Variants in SYT9 observed in about 807,000 individuals in gnomAD.
SYT9 encodes the protein synaptotagmin-9.
In SYT9, 22 loss-of-function variants were observed where a neutral mutation model predicts 48.4. The ratio of observed to expected loss-of-function variants is 0.45; its 90% CI spans 0.32 to 0.65. SYT9 has a LOEUF of 0.65. SYT9 is among the 30% of genes least tolerant of loss of function. The pLI, the probability that SYT9 is intolerant of heterozygous loss-of-function variation, is 0.03. For synonymous variants in SYT9, 265 were observed against 245.0 expected, an observed-to-expected ratio of 1.08 and a Z score of -0.76; for missense variants, 577 against 622.0, an observed-to-expected ratio of 0.93 and a Z score of 0.77.
intron 6 of SYT9, among the ~76,000 whole-genome samples, chr11:7,437,443 C>CT (rs1389986091): frequency 6.6e-6 from 1 of 152,036 alleles, no homozygotes; most frequent in Non-Finnish European, 1.5e-5. Flanking sequence ...AAATAGACTA[C>CT]TGGTCACAAT....
intron 1 of SYT9, among the ~76,000 whole-genome samples, chr11:7,255,021 G>A (rs151132540): frequency 1.3e-5 from 2 of 152,230 alleles, no homozygotes; most frequent in East Asian, 3.9e-4. Flanking sequence ...AAAAAAATAA[G>A]CCTAAGTCAC....
Position 7,324,617 on chromosome 11 carries a change from T to A in SYT9, c.1044+10676T>A, listed in dbSNP as rs115229532. ...TTTCATTTTTATTTTTATCTAAGCA[T>A]CTTCTAGCATCAAATATGAGTTTTT... On this transcript the variant is annotated intron_variant, in intron 3 of 6. Transcript: ENST00000318881. Among the ~76,000 whole-genome samples, 404 of 152,114 alleles carry A rather than the reference T, an allele frequency of 2.7e-3. 2 individuals are homozygous for A. Among genetic ancestry groups the A allele is most frequent in the African/African-American group, 9.6e-3 (398 of 41,574 alleles).
intron 3 of SYT9, among the ~76,000 whole-genome samples, chr11:7,354,245 G>A (rs1303584429): frequency 6.6e-6 from 1 of 151,956 alleles, no homozygotes; most frequent in African/African-American, 2.4e-5. Context: ...TCTCCTTTCT[G>A]GTCCATCACC....
At chr11:7,267,582 C>A (rs1848208380) in intron 1 of SYT9, among the ~76,000 whole-genome samples, 1 of 151,230 alleles carries the variant, frequency 6.6e-6, no homozygotes, top group South Asian at 2.1e-4. Flanking sequence ...ATAACCAAAG[C>A]TATATCTAGA....
chr11:7,356,490 T>C (rs1028714403), intron 3 of SYT9, among the ~76,000 whole-genome samples: 4 of 152,164 alleles, frequency 2.6e-5, no homozygotes, highest in Non-Finnish European at 4.4e-5. Context: ...TTTGACTCCC[T>C]GCAGTGCGAG....
At chr11:7,311,827 G>A (rs896552577) in intron 2 of SYT9, among the ~76,000 whole-genome samples, 2 of 152,156 alleles carry the variant, frequency 1.3e-5, no homozygotes, top group African/African-American at 2.4e-5. Flanking sequence ...TGAGACTCAA[G>A]CTCTATTCTA....
rs115122429 is a variant in SYT9, at chr11:7,261,734, C to T, written c.145+9403C>T. Among the ~76,000 whole-genome samples the T allele has an allele frequency of 5.8e-3, 877 of 151,754 alleles. 6 individuals are homozygous for T. The highest frequency in any genetic ancestry group is 0.02 in the African/African-American group (814 of 41,374). On this transcript the variant is annotated intron_variant, in intron 1 of 6. Transcript: ENST00000318881. ...AAGAGCGTTCCAGGCAGGAGAGCGG[C>T]GGGTACAAAGGTCTCAAGGCAGGAG...
intron 6 of SYT9, among the ~76,000 whole-genome samples, chr11:7,462,471 G>A (rs542269845): frequency 1.3e-5 from 2 of 152,032 alleles, no homozygotes; most frequent in South Asian, 2.1e-4. Flanking sequence ...TCTTAAAGCC[G>A]AGAGAGGAAG....
At chr11:7,305,470 C>T (rs1431545356) in intron 2 of SYT9, among the ~76,000 whole-genome samples, 1 of 152,156 alleles carries the variant, frequency 6.6e-6, no homozygotes, top group Non-Finnish European at 1.5e-5. Flanking sequence ...TCTTCTAATT[C>T]TTTGAGGATT....
At chr11:7,347,238 T>A (rs1338078184) in intron 3 of SYT9, among the ~76,000 whole-genome samples, 1 of 150,582 alleles carries the variant, frequency 6.6e-6, no homozygotes, top group South Asian at 2.1e-4. Flanking sequence ...ATCAAAATAT[T>A]TTTTTTTTTT....
At chr11:7,442,155 G>A (rs970396202) in intron 6 of SYT9, among the ~76,000 whole-genome samples, 5 of 151,398 alleles carry the variant, frequency 3.3e-5, no homozygotes, top group Admixed American at 2.0e-4. Context: ...GAACCCCACC[G>A]CCTCCTGCCA....
intron 3 of SYT9, among the ~76,000 whole-genome samples, chr11:7,412,359 A>G (rs1454562593): frequency 2.6e-5 from 4 of 152,182 alleles, no homozygotes; most frequent in Admixed American, 2.0e-4. Flanking sequence ...TCTGAAGATT[A>G]TCTATGATGT....
At position 7,252,983 on chromosome 11, in the gene SYT9, G is replaced by A. The variant is rs1847902831; in HGVS notation, c.145+652G>A. Among the ~76,000 whole-genome samples the A allele has an allele frequency of 6.6e-6, 1 of 152,264 alleles. No individual in the cohort carries two copies. Among genetic ancestry groups the A allele is most frequent in the African/African-American group, 2.4e-5 (1 of 41,480 alleles). On this transcript the variant is annotated intron_variant, in intron 1 of 6. Transcript: ENST00000318881. This position sits in a 1 kb window ranked among gnomAD's most constrained non-coding sequence, Gnocchi z 6.3. ...TCGACCAGCGACTACCGCCGGCCAC[G>A]ATGGGGTTCGTAGACTCGTCGGTCC... is the stretch of plus-strand genomic sequence containing the variant.
At chr11:7,423,605 A>G (rs1453617497) in intron 6 of SYT9, among the ~76,000 whole-genome samples, 1 of 152,208 alleles carries the variant, frequency 6.6e-6, no homozygotes, top group African/African-American at 2.4e-5. Context: ...AACACTCAGT[A>G]AAGTTTTCAG....
At chr11:7,413,584 C>A (rs533448899) in intron 3 of SYT9, among the ~76,000 whole-genome samples, 6 of 152,130 alleles carry the variant, frequency 3.9e-5, no homozygotes, top group Non-Finnish European at 7.4e-5. Context: ...CCCAGCCAAA[C>A]CCCCCGAGCA....
chr11:7,402,066 T>G (rs1439936666), intron 3 of SYT9, among the ~76,000 whole-genome samples: 2 of 152,112 alleles, frequency 1.3e-5, no homozygotes, highest in Non-Finnish European at 2.9e-5. Flanking sequence ...TAAAATAATT[T>G]TAATATCCCT....
At chr11:7,329,956 T>C (rs1431809616) in intron 3 of SYT9, among the ~76,000 whole-genome samples, 1 of 152,100 alleles carries the variant, frequency 6.6e-6, no homozygotes, top group Non-Finnish European at 1.5e-5. Context: ...TCAAAGAAGA[T>C]AACAGGGGAT....
chr11:7,240,211 G>A lies in SYT9; in HGVS notation c.49+1295G>A, dbSNP rs977517080. 3.9e-5 allele frequency among the ~76,000 whole-genome samples: 6 copies of A among 152,222 alleles called. No homozygotes were observed. In the South Asian group the frequency reaches 8.3e-4, roughly 21 times the overall value. On this transcript the variant is annotated intron_variant and NMD_transcript_variant, in intron 1 of 8. Transcript: ENST00000524820. ...GTGGTGAGCTGTTGTCCAGCCTCCC[G>A]AGTCCCAATTCCTCCCTACCCTCAT...
intron 6 of SYT9, chr11:7,444,449 TA>T (rs1665403738): frequency 6.6e-6 from 1 of 152,176 alleles, no homozygotes; most frequent in Non-Finnish European, 1.5e-5. Flanking sequence ...AGACAGTAAT[TA>T]CAGCTGCTGG....
Sources: gnomAD v4.1 joint callset for allele counts (sites outside exome capture counted in the v4.1 genomes callset) on GRCh38, gnomAD v4.1.1 for gene constraint, Gnocchi (gnomAD v3.1) non-coding constraint, MANE v1.5 for transcripts, NCBI Gene and HGNC (gene_info 2026-07-23, HGNC 2026-07-21) for gene names.